The following FAM20A variants were observed in gnomAD, a reference collection of about 807,000 sequenced individuals.
FAM20A encodes FAM20A golgi associated secretory pathway pseudokinase.
A neutral mutation model predicts 52.0 loss-of-function variants in FAM20A; 42 were observed. The ratio of observed to expected loss-of-function variants is 0.81; its 90% confidence interval spans 0.63 to 1.04. The LOEUF is 1.04. Among genes scored for constraint, FAM20A ranks in the 50% least tolerant of loss-of-function variants. The pLI, the probability that FAM20A is intolerant of heterozygous loss-of-function variation, is 0.00. For missense variants in FAM20A, 742 were observed against 712.7 expected (o/e 1.04, Z -0.47); for synonymous variants, 304 against 298.9 (o/e 1.02, Z -0.18).
chr17:68,598,909 A>ATGTTATTG (rs1341497478), intron 1 of FAM20A, among the ~76,000 whole-genome samples: 1 of 152,222 alleles, frequency 6.6e-6, no homozygotes, highest in Admixed American at 6.5e-5. Flanking sequence ...CCAGACTTCC[A>ATGTTATTG]TGTTATTGAC....
At chr17:68,561,880 T>A (rs1459793239) in intron 1 of FAM20A, among the ~76,000 whole-genome samples, 5 of 152,194 alleles carry the variant, frequency 3.3e-5, no homozygotes, top group Non-Finnish European at 1.5e-5. Context: ...TGGAGTGCAG[T>A]GGTATGATCT....
chr17:68,535,261 A>C lies in FAM20A; in HGVS notation c.*2216T>G. 2.2e-6 allele frequency: 1 copy of C among 453,106 alleles called. No homozygotes were observed. Among genetic ancestry groups the C allele is most frequent in the Non-Finnish European group, 4.4e-6 (1 of 226,034 alleles). The allele number at this position is 453,106 out of a possible 1,614,324, so 28.1% of individuals were successfully genotyped here. A position where few individuals can be genotyped will look rare whatever the true frequency, so the allele number is the denominator to read the frequency against. The stretch of plus-strand genomic sequence containing the variant: ...TTTGTTACTAATCAAAAAGTAATGG[A>C]AGGTTGAAAGATAAGTGAATAATAA... On this transcript the variant is annotated 3_prime_UTR_variant, in exon 11 of 11. Transcript: ENST00000592554.
At chr17:68,597,960 G>C (rs1462022620) in intron 1 of FAM20A, 3 of 151,240 alleles carry the variant, frequency 2.0e-5, no homozygotes, top group African/African-American at 4.9e-5. Context: ...ATAGAACTCT[G>C]AGTGTGGCTC....
chr17:68,576,962 C>G (rs2087788397), intron 1 of FAM20A, among the ~76,000 whole-genome samples: 1 of 152,088 alleles, frequency 6.6e-6, no homozygotes, highest in Non-Finnish European at 1.5e-5. Context: ...TTTCAGACAC[C>G]CTGGAGAAGA....
chr17:68,540,586 C>G, intron 8 of FAM20A: 2 of 566,774 alleles, frequency 3.5e-6, no homozygotes, highest in Non-Finnish European at 6.7e-6. Context: ...ATACAGCTTC[C>G]AATCTGACGC....
chr17:68,570,983 C>T (rs1313701161), intron 1 of FAM20A, among the ~76,000 whole-genome samples: 1 of 152,142 alleles, frequency 6.6e-6, no homozygotes, highest in East Asian at 1.9e-4. Flanking sequence ...TTCTAGGAGG[C>T]ACTGTGTCAG....
rs370397996 is a variant in FAM20A, at chr17:68,541,979, A to G, written c.1109+6T>C. ...ACTGGGCTGTGTGGCCTGGGGACCA[A>G]CTCACTCCTCTTTTCCTGCCAGTGT... On this transcript the variant is annotated splice_donor_region_variant and intron_variant, in intron 7 of 10. Coordinates refer to ENST00000592554, the MANE Select transcript of FAM20A (RefSeq NM_017565.4). 60 of 1,612,156 alleles carry G rather than the reference A, an allele frequency of 3.7e-5. No individual in the cohort carries two copies. The highest frequency in any genetic ancestry group is 4.9e-5 in the Non-Finnish European group (58 of 1,178,984).
chr17:68,580,974 A>G (rs2087927867), intron 1 of FAM20A, among the ~76,000 whole-genome samples: 1 of 152,206 alleles, frequency 6.6e-6, no homozygotes, highest in Non-Finnish European at 1.5e-5. Flanking sequence ...GAATATGTGT[A>G]AGATACTCCA....
intron 4 of FAM20A, among the ~76,000 whole-genome samples, chr17:68,548,810 G>A (rs947452425): frequency 3.0e-5 from 4 of 133,474 alleles, no homozygotes; most frequent in Admixed American, 8.7e-5. Flanking sequence ...TTGGCTCACT[G>A]CAAGCTCCGC....
At chr17:68,574,830 C>A (rs2087681198) in intron 1 of FAM20A, among the ~76,000 whole-genome samples, 1 of 152,132 alleles carries the variant, frequency 6.6e-6, no homozygotes, top group African/African-American at 2.4e-5. Context: ...TGTACATACC[C>A]TATGTGTCCA....
At chr17:68,545,449 A>C (rs1210460791) in intron 4 of FAM20A, among the ~76,000 whole-genome samples, 2 of 152,242 alleles carry the variant, frequency 1.3e-5, no homozygotes, top group Non-Finnish European at 2.9e-5. Flanking sequence ...GAGTCCAATA[A>C]ATATGCAATA....
chr17:68,587,869 G>A (rs1428829994), intron 1 of FAM20A, among the ~76,000 whole-genome samples: 1 of 152,116 alleles, frequency 6.6e-6, no homozygotes, highest in Non-Finnish European at 1.5e-5. Flanking sequence ...ACAGATAATG[G>A]TCTTGGAAAT....
chr17:68,543,344 C>A (rs1317731297), intron 5 of FAM20A, among the ~76,000 whole-genome samples: 1 of 152,152 alleles, frequency 6.6e-6, no homozygotes, highest in Non-Finnish European at 1.5e-5. Context: ...ATTCTCCTCG[C>A]TCTCAGATCA....
chr17:68,552,056 A>ATTGCTGTT, intron 3 of FAM20A, 105 bp from the exon 4 acceptor site: 1 of 735,526 alleles, frequency 1.4e-6, no homozygotes, highest in Non-Finnish European at 2.4e-6. Flanking sequence ...CCTCTTATGT[A>ATTGCTGTT]ATGAGACCCT....
intron 3 of FAM20A, 64 bp downstream of exon 3, chr17:68,554,713 G>GT: frequency 6.9e-7 from 1 of 1,450,030 alleles, no homozygotes; most frequent in Admixed American, 1.8e-5. Flanking sequence ...ACTGGAGTGG[G>GT]TTTTGGGGTT....
intron 1 of FAM20A, chr17:68,590,315 C>G (rs1032941647): frequency 1.3e-5 from 2 of 152,202 alleles, no homozygotes; most frequent in African/African-American, 2.4e-5. Context: ...GGGTCACAGA[C>G]TCCCCCTCTT....
At chr17:68,568,893 A>G (rs1214713338) in intron 1 of FAM20A, among the ~76,000 whole-genome samples, 1 of 148,378 alleles carries the variant, frequency 6.7e-6, no homozygotes, top group African/African-American at 2.5e-5. Context: ...TGACGTGGAT[A>G]TATTTTGGGT....
At chr17:68,575,932 G>A (rs1242307932) in intron 1 of FAM20A, among the ~76,000 whole-genome samples, 6 of 150,446 alleles carry the variant, frequency 4.0e-5, no homozygotes, top group African/African-American at 1.5e-4. Context: ...CCTAAGAATG[G>A]CCTTTCCCTT....
intron 4 of FAM20A, chr17:68,551,059 C>G: frequency 8.1e-7 from 1 of 1,233,938 alleles, no homozygotes; most frequent in East Asian, 3.2e-5. Context: ...CGTGGCCCCT[C>G]TTGGGGCGAT....
Sources: allele counts gnomAD v4.1 joint callset (sites outside exome capture counted in the v4.1 genomes callset), GRCh38; gene constraint gnomAD v4.1.1; transcripts MANE v1.5; gene names NCBI Gene and HGNC (gene_info 2026-07-23, HGNC 2026-07-21).